The following FAM200C variants were observed in gnomAD, a reference collection of about 807,000 sequenced individuals.
the FAM200C span, chr5:160,394,288 A>C: frequency 1.2e-6 from 2 of 1,613,890 alleles, no homozygotes; most frequent in Non-Finnish European, 1.7e-6. Context: ...ACTTCTCTCT[A>C]GCTGATACTG....
At chr5:160,394,447 T>C in the FAM200C span, 2 of 1,613,744 alleles carry the variant, frequency 1.2e-6, no homozygotes, top group Non-Finnish European at 1.7e-6. Flanking sequence ...GATTTATTTC[T>C]TCATACATTT....
chr5:160,395,591 TA>T, the FAM200C span: 1 of 919,516 alleles, frequency 1.1e-6, no homozygotes, highest in Non-Finnish European at 1.8e-6. Context: ...CTAACTGAAT[TA>T]AAACAAAGCC....
chr5:160,396,782 C>T, the FAM200C span, among the ~76,000 whole-genome samples: 1 of 151,742 alleles, frequency 6.6e-6, no homozygotes, highest in Non-Finnish European at 1.5e-5. Context: ...AGAAAAATCC[C>T]TCTCATAGGA....
the FAM200C span, among the ~76,000 whole-genome samples, chr5:160,398,304 C>T: frequency 6.6e-6 from 1 of 152,160 alleles, no homozygotes; most frequent in Non-Finnish European, 1.5e-5. Flanking sequence ...AATCCCAGCA[C>T]TTTGGGAGGC....
At chr5:160,393,918 G>C in the FAM200C span, 1 of 1,614,080 alleles carries the variant, frequency 6.2e-7, no homozygotes, top group South Asian at 1.1e-5. Context: ...GCCAGGTTTG[G>C]AAATGCTGTG....
the FAM200C span, among the ~76,000 whole-genome samples, chr5:160,398,113 A>T: frequency 8.5e-5 from 13 of 152,194 alleles, no homozygotes; most frequent in African/African-American, 3.1e-4. Context: ...GTGGTGGCGC[A>T]TGCCTGTAGT....
the FAM200C span, among the ~76,000 whole-genome samples, chr5:160,398,907 GTCC>G: frequency 0.019 from 2,943 of 152,290 alleles, 67 homozygotes; most frequent in African/African-American, 0.065. Context: ...TTTTTAAAAA[GTCC>G]TCATTTGTTA....
At chr5:160,395,209 T>C in the FAM200C span, 1 of 1,613,870 alleles carries the variant, frequency 6.2e-7, no homozygotes, top group Non-Finnish European at 8.5e-7. Flanking sequence ...ATTGATACGA[T>C]GCTTGTAATA....
At chr5:160,395,590 T>C in the FAM200C span, 2 of 941,758 alleles carry the variant, frequency 2.1e-6, no homozygotes, top group Non-Finnish European at 3.4e-6. Flanking sequence ...GCTAACTGAA[T>C]TAAAACAAAG....
At chr5:160,398,517 G>A in the FAM200C span, among the ~76,000 whole-genome samples, 1 of 152,216 alleles carries the variant, frequency 6.6e-6, no homozygotes, top group Non-Finnish European at 1.5e-5. Flanking sequence ...CAGACTGGGT[G>A]ACGGAGTGAG....
the FAM200C span, chr5:160,393,529 C>CT: frequency 1.6e-6 from 1 of 608,872 alleles, no homozygotes. Context: ...AGTACTTAAT[C>CT]TTTTCTGCTG....
At chr5:160,393,419 G>C in the FAM200C span, 1 of 314,646 alleles carries the variant, frequency 3.2e-6, no homozygotes, top group Non-Finnish European at 5.8e-6. Flanking sequence ...GCACCATTTA[G>C]CTGGATATTC....
At chr5:160,394,392 T>C in the FAM200C span, 1 of 1,613,642 alleles carries the variant, frequency 6.2e-7, no homozygotes, top group Non-Finnish European at 8.5e-7. Context: ...AACTCTTTAT[T>C]TTCAAAGCCA....
chr5:160,395,055 T>C, the FAM200C span: 1 of 1,614,062 alleles, frequency 6.2e-7, no homozygotes, highest in Non-Finnish European at 8.5e-7. Flanking sequence ...CTAGAATGGA[T>C]CACATCATCT....
At chr5:160,393,964 C>G in the FAM200C span, 3 of 1,613,848 alleles carry the variant, frequency 1.9e-6, no homozygotes, top group Non-Finnish European at 1.7e-6. Flanking sequence ...GCTTCATTGT[C>G]TCAAATTCCA....
chr5:160,394,791 G>A, the FAM200C span: 1 of 1,613,966 alleles, frequency 6.2e-7, no homozygotes, highest in South Asian at 1.1e-5. Flanking sequence ...CATACATCAA[G>A]TGCTATCTTA....
the FAM200C span, among the ~76,000 whole-genome samples, chr5:160,397,136 T>C: frequency 6.6e-6 from 1 of 152,122 alleles, no homozygotes; most frequent in South Asian, 2.1e-4. Flanking sequence ...ATACATATCT[T>C]CTCCAGAAGC....
the FAM200C span, chr5:160,397,389 C>G: frequency 6.6e-6 from 1 of 152,190 alleles, no homozygotes; most frequent in African/African-American, 2.4e-5. Flanking sequence ...TTTTCTCTTT[C>G]TCTCCCTTTA....
At chr5:160,398,208 C>T in the FAM200C span, among the ~76,000 whole-genome samples, 1 of 152,100 alleles carries the variant, frequency 6.6e-6, no homozygotes, top group Admixed American at 6.5e-5. Flanking sequence ...TTGCAGTGAG[C>T]TGAGATCACG....
Sources: allele counts gnomAD v4.1 joint callset (sites outside exome capture counted in the v4.1 genomes callset), GRCh38; gene constraint gnomAD v4.1.1; transcripts MANE v1.5.